Variants in PLEKHA7 observed in about 807,000 individuals in gnomAD.
PLEKHA7 encodes pleckstrin homology domain-containing family A member 7.
Under a neutral mutation model 170.0 loss-of-function variants are expected in PLEKHA7, and 104 were observed. That is an observed-to-expected ratio of 0.61 (90% CI 0.52 to 0.72). The LOEUF (loss-of-function observed/expected upper bound fraction) is 0.72, where lower values mean the gene tolerates loss of function less well. Among genes scored for constraint, PLEKHA7 ranks in the 30% least tolerant of loss-of-function variants. PLEKHA7 has a pLI of 0.00. For synonymous variants in PLEKHA7, 648 were observed against 660.8 expected (o/e 0.98, Z 0.30); for missense variants, 1,615 against 1,671.7 (o/e 0.97, Z 0.59).
intron 3 of PLEKHA7, chr11:17,013,484 C>T (rs571793774): frequency 5.2e-5 from 8 of 153,972 alleles, no homozygotes; most frequent in Admixed American, 3.9e-4. Flanking sequence ...GGGCGAGGTT[C>T]CGACTCTCCA....
At chr11:16,995,906 A>T (rs2136994561) in intron 3 of PLEKHA7, among the ~76,000 whole-genome samples, 1 of 152,338 alleles carries the variant, frequency 6.6e-6, no homozygotes, top group South Asian at 2.1e-4. Flanking sequence ...TAAACCTATC[A>T]GGATGTTCAT....
At chr11:16,814,660 T>A (rs1023244825) in intron 12 of PLEKHA7, among the ~76,000 whole-genome samples, 1 of 152,162 alleles carries the variant, frequency 6.6e-6, no homozygotes, top group African/African-American at 2.4e-5. Context: ...GCAAGTCACT[T>A]CCCCTTCTGG....
In PLEKHA7 at chr11:16,916,299, T is replaced by G. The variant is rs183937294; in HGVS notation, c.222-45117A>C. Reference sequence around the variant, plus strand: ...GTAGGTTGCGAAAATTTTCTCCCATTTTGTAGGTTGCCTGTTCACTCTGAT... The same window carrying G: ...GTAGGTTGCGAAAATTTTCTCCCATGTTGTAGGTTGCCTGTTCACTCTGAT... On this transcript the variant is annotated intron_variant, in intron 3 of 26. Transcript: ENST00000531066. Among the ~76,000 whole-genome samples, 1,142 of 152,286 alleles carry G rather than the reference T, an allele frequency of 7.5e-3. 10 individuals are homozygous for G. The highest frequency in any genetic ancestry group is 0.013 in the Non-Finnish European group (905 of 68,014).
chr11:16,977,580 G>A (rs1442567485), intron 3 of PLEKHA7, among the ~76,000 whole-genome samples: 1 of 152,072 alleles, frequency 6.6e-6, no homozygotes, highest in Non-Finnish European at 1.5e-5. Flanking sequence ...TATCCCCTCA[G>A]TGCCCAGCAC....
chr11:16,946,626 C>A (rs983599997), intron 3 of PLEKHA7, among the ~76,000 whole-genome samples: 1 of 152,200 alleles, frequency 6.6e-6, no homozygotes, highest in African/African-American at 2.4e-5. Flanking sequence ...AGCCCTCCTT[C>A]AGTACCTAAT....
At chr11:16,862,455 T>C (rs1434475597) in intron 4 of PLEKHA7, among the ~76,000 whole-genome samples, 2 of 152,176 alleles carry the variant, frequency 1.3e-5, no homozygotes, top group African/African-American at 2.4e-5. Flanking sequence ...TCTCATTACA[T>C]AATGATATTT....
chr11:16,946,471 G>A (rs1031704180), intron 3 of PLEKHA7, among the ~76,000 whole-genome samples: 20 of 152,150 alleles, frequency 1.3e-4, no homozygotes, highest in Non-Finnish European at 2.5e-4. Context: ...ATTGGTCACA[G>A]AATATTTTTA....
Position 16,783,841 on chromosome 11 carries a change from G to A in PLEKHA7, c.3517-8C>T. ...CTTCTCTGGTTTGGACAGCTGGGGA[G>A]AGGCCAGGAGGTGGCAGAGGGAGAG... On this transcript the variant is annotated splice_region_variant and splice_polypyrimidine_tract_variant and intron_variant, in intron 24 of 26. Transcript: ENST00000531066. The A allele has an allele frequency of 6.9e-7, 1 of 1,450,234 alleles. No homozygotes were observed. The highest frequency in any genetic ancestry group is 9.1e-7 in the Non-Finnish European group (1 of 1,104,618). 89.8% of individuals were successfully genotyped at this position (1,450,234 alleles called of 1,614,324 possible).
intron 3 of PLEKHA7, among the ~76,000 whole-genome samples, chr11:16,963,154 T>A (rs1428547883): frequency 1.3e-5 from 2 of 152,222 alleles, no homozygotes; most frequent in Non-Finnish European, 2.9e-5. Flanking sequence ...ATGCCACTTC[T>A]GTGCAGCTCC....
Position 16,959,328 on chromosome 11 carries a change from A to G in PLEKHA7, c.221+54661T>C, listed in dbSNP as rs16933700. Among the ~76,000 whole-genome samples the G allele has an allele frequency of 9.0e-3, 1,372 of 152,048 alleles. 24 individuals are homozygous for G. The highest frequency in any genetic ancestry group is 0.031 in the African/African-American group (1,283 of 41,454). On this transcript the variant is annotated intron_variant, in intron 3 of 26. Coordinates refer to ENST00000531066, the MANE Select transcript of PLEKHA7 (RefSeq NM_001329630.2). ...GTCTATCCACTTTCAATCTCTCTCCATCCAGTCAGTGGGAATGGATGGAAC... is the reference window on the plus strand; with the variant it reads ...GTCTATCCACTTTCAATCTCTCTCCGTCCAGTCAGTGGGAATGGATGGAAC...
At chr11:16,865,530 C>T (rs1247570553) in intron 4 of PLEKHA7, among the ~76,000 whole-genome samples, 1 of 152,120 alleles carries the variant, frequency 6.6e-6, no homozygotes, top group Non-Finnish European at 1.5e-5. Context: ...TCAAGACCAG[C>T]CTGGGCAACA....
At chr11:16,899,022 A>G (rs901325890) in intron 3 of PLEKHA7, among the ~76,000 whole-genome samples, 1 of 152,226 alleles carries the variant, frequency 6.6e-6, no homozygotes, top group Non-Finnish European at 1.5e-5. Flanking sequence ...TATATATTCA[A>G]TGTGAAACCA....
intron 24 of PLEKHA7, 137 bp downstream of exon 24, chr11:16,786,092 C>T: frequency 1.0e-6 from 1 of 985,206 alleles, no homozygotes; most frequent in South Asian, 1.8e-5. Context: ...AAGCTGCTAT[C>T]CATCCATCCT....
chr11:17,001,134 C>T (rs1864637984), intron 3 of PLEKHA7, among the ~76,000 whole-genome samples: 3 of 152,084 alleles, frequency 2.0e-5, no homozygotes, highest in South Asian at 2.1e-4. Context: ...GGTCACCCTC[C>T]GAAGCTCCCC....
At chr11:16,826,084 C>T (rs750694637) in intron 10 of PLEKHA7, 36 bp downstream of exon 10, 2 of 1,584,822 alleles carry the variant, frequency 1.3e-6, no homozygotes, top group Non-Finnish European at 8.6e-7. Context: ...CATTATCGTG[C>T]TCGTTATAAG....
At chr11:16,810,021 G>A (rs1849255659) in intron 13 of PLEKHA7, among the ~76,000 whole-genome samples, 1 of 152,194 alleles carries the variant, frequency 6.6e-6, no homozygotes, top group South Asian at 2.1e-4. Context: ...TGGGCTTGCA[G>A]GCAGCCACCT....
chr11:16,986,381 A>C (rs577658849), intron 3 of PLEKHA7, among the ~76,000 whole-genome samples: 1 of 152,278 alleles, frequency 6.6e-6, no homozygotes, highest in South Asian at 2.1e-4. Flanking sequence ...GACCCCATGG[A>C]GAAGGGAGGC....
intron 10 of PLEKHA7, among the ~76,000 whole-genome samples, chr11:16,823,787 CAAG>C (rs1331729028): frequency 3.3e-5 from 5 of 152,196 alleles, no homozygotes; most frequent in African/African-American, 1.2e-4. Flanking sequence ...TCCAGTTGCT[CAAG>C]TCAAAATTCT....
intron 17 of PLEKHA7, among the ~76,000 whole-genome samples, chr11:16,799,317 C>G (rs2134353018): frequency 6.6e-6 from 1 of 152,254 alleles, no homozygotes; most frequent in East Asian, 1.9e-4. Context: ...TGATTCTATG[C>G]ATGTGCATAT....
Sources: allele counts gnomAD v4.1 joint callset (sites outside exome capture counted in the v4.1 genomes callset), GRCh38; gene constraint gnomAD v4.1.1; transcripts MANE v1.5; gene names NCBI Gene and HGNC (gene_info 2026-07-23, HGNC 2026-07-21).